MRC2: variants seen among roughly 807,000 people sequenced by gnomAD.
MRC2 encodes the protein C-type mannose receptor 2.
A neutral mutation model predicts 206.2 loss-of-function variants in MRC2; 84 were observed. The observed-to-expected ratio is 0.41, with a 90% CI of 0.34 to 0.49. The LOEUF (loss-of-function observed/expected upper bound fraction) is 0.49. MRC2 is among the 20% of genes least tolerant of loss of function. The pLI, the probability that MRC2 is intolerant of heterozygous loss-of-function variation, is 0.31. For missense variants in MRC2, 1,676 were observed against 2,001.5 expected, an observed-to-expected ratio of 0.84 and a Z score of 3.10; for synonymous variants, 798 against 800.0, an observed-to-expected ratio of 1.00 and a Z score of 0.04.
intron 1 of MRC2, among the ~76,000 whole-genome samples, chr17:62,647,270 G>A (rs1243341153): frequency 7.0e-6 from 1 of 143,084 alleles, no homozygotes; most frequent in African/African-American, 2.6e-5. Flanking sequence ...TGCAACCTCC[G>A]CCTCCTGGGT....
intron 1 of MRC2, among the ~76,000 whole-genome samples, chr17:62,639,169 C>G (rs889079495): frequency 6.6e-6 from 1 of 152,062 alleles, no homozygotes; most frequent in Non-Finnish European, 1.5e-5. Context: ...AACCCCATCT[C>G]TACCAAAAAT....
chr17:62,651,086 C>CTTT (rs764258977), intron 1 of MRC2, among the ~76,000 whole-genome samples: 11 of 142,408 alleles, frequency 7.7e-5, no homozygotes, highest in African/African-American at 2.8e-4. Flanking sequence ...TGACAAACAT[C>CTTT]TTTTTTTTTT....
At chr17:62,647,662 T>C (rs1301988010) in intron 1 of MRC2, among the ~76,000 whole-genome samples, 1 of 152,240 alleles carries the variant, frequency 6.6e-6, no homozygotes, top group African/African-American at 2.4e-5. Context: ...TAAATAATGC[T>C]GTGTGGCTAA....
In MRC2 at chr17:62,627,818, C is replaced by T; in HGVS notation, c.16C>T (p.Pro6Ser). ...GCGCTCGGGGATGGGGCCCGGCCGGCCGGCCCCCGCGCCCTGGCCTCGTCA... is the reference window on the plus strand; with the variant it reads ...GCGCTCGGGGATGGGGCCCGGCCGGTCGGCCCCCGCGCCCTGGCCTCGTCA... MGPGR[P>S]APAPWPRHLL... is the part of the protein sequence containing the mutation. Residue 6 changes from proline to serine, a missense_variant, in exon 1 of 30, where the codon CCG becomes TCG. Around this residue, in one of 3 missense-constraint regions of MRC2, gnomAD observed 318 missense variants for 346.7 expected, o/e 0.92. Coordinates refer to ENST00000303375, the MANE Select transcript of MRC2 (RefSeq NM_006039.5). The T allele has an allele frequency of 1.4e-6, 2 of 1,447,578 alleles. No homozygotes were observed. Among genetic ancestry groups the T allele is most frequent in the Non-Finnish European group, 9.0e-7 (1 of 1,108,528 alleles). 89.7% of individuals were successfully genotyped at this position (1,447,578 alleles called of 1,614,324 possible). A position where few individuals can be genotyped will look rare whatever the true frequency, so the allele number is the denominator to read the frequency against.
At chr17:62,676,224 G>A (rs2088889824) in intron 10 of MRC2, among the ~76,000 whole-genome samples, 159 bp from the exon 11 acceptor site, 1 of 152,140 alleles carries the variant, frequency 6.6e-6, no homozygotes, top group Admixed American at 6.5e-5. Context: ...GCAGCTGGGG[G>A]TTCCATAAAT....
intron 12 of MRC2, 77 bp downstream of exon 12, chr17:62,677,563 G>A: frequency 7.6e-7 from 1 of 1,311,152 alleles, no homozygotes; most frequent in South Asian, 1.5e-5. Context: ...AGGTCCCAGT[G>A]GGACCAGCCA....
chr17:62,666,609 C>T lies in MRC2; in HGVS notation c.849C>T (p.Thr283=). 1 of 1,586,586 alleles carries T rather than the reference C, an allele frequency of 6.3e-7. No homozygotes were observed. Among genetic ancestry groups the T allele is most frequent in the Non-Finnish European group, 8.6e-7 (1 of 1,166,506 alleles). ...LLSITEIHEQ[T]YINGLLTGYS... is the part of the protein sequence containing the mutation. Reference sequence around the variant, plus strand: ...GCATCACGGAGATCCACGAGCAGACCTACATCAACGGTGAGCCGGGGCCTG... The same window carrying T: ...GCATCACGGAGATCCACGAGCAGACTTACATCAACGGTGAGCCGGGGCCTG... Residue 283 remains threonine, a synonymous_variant, in exon 4 of 30, where the codon ACC becomes ACT. Coordinates refer to ENST00000303375, the MANE Select transcript of MRC2 (RefSeq NM_006039.5). This position sits in a 1 kb window ranked among gnomAD's most constrained non-coding sequence, Gnocchi z 5.0.
chr17:62,689,970 C>CG lies in MRC2; in HGVS notation c.3656dup (p.Cys1220LeufsTer16). The CG allele has an allele frequency of 5.6e-6, 9 of 1,612,490 alleles. No homozygotes were observed. Among genetic ancestry groups the CG allele is most frequent in the Non-Finnish European group, 6.8e-6 (8 of 1,179,878 alleles). Reference sequence around the variant, plus strand: ...TGGCAGGACGGGGAGCCGCAGCAGCCGGGGGGCTGTACCTACGTAGATGTG... The same window carrying CG: ...TGGCAGGACGGGGAGCCGCAGCAGCCGGGGGGGCTGTACCTACGTAGATGTG... On this transcript the variant is annotated frameshift_variant, in exon 25 of 30. Coordinates refer to ENST00000303375, the MANE Select transcript of MRC2 (RefSeq NM_006039.5). LOFTEE classifies it high-confidence loss of function.
intron 1 of MRC2, among the ~76,000 whole-genome samples, chr17:62,660,847 T>G (rs1314264781): frequency 1.3e-5 from 2 of 152,080 alleles, no homozygotes; most frequent in Admixed American, 1.3e-4. Flanking sequence ...AATTTGCAGA[T>G]AGTAGGCAGC....
chr17:62,683,239 C>T (rs917408785), intron 20 of MRC2, among the ~76,000 whole-genome samples: 5 of 151,992 alleles, frequency 3.3e-5, no homozygotes, highest in Non-Finnish European at 5.9e-5. Flanking sequence ...GAGGCTGAGG[C>T]GGGTGAATCA....
intron 1 of MRC2, among the ~76,000 whole-genome samples, chr17:62,641,399 C>A (rs1361191284): frequency 6.6e-6 from 1 of 151,748 alleles, no homozygotes; most frequent in Non-Finnish European, 1.5e-5. Context: ...GAAACAGGAA[C>A]CTGTCTGACA....
chr17:62,662,893 G>A (rs1030874497), intron 1 of MRC2, among the ~76,000 whole-genome samples: 5 of 152,018 alleles, frequency 3.3e-5, no homozygotes, highest in Non-Finnish European at 2.9e-5. Flanking sequence ...TGGGCAACAC[G>A]AGCAATAGTC....
rs141987814 is a variant in MRC2 at position 62,643,955 on chromosome 17, G to GTA, written c.118+16043_118+16044dup. Among the ~76,000 whole-genome samples the GTA allele has an allele frequency of 3.4e-3, 513 of 152,166 alleles. 3 individuals are homozygous for GTA. The highest frequency in any genetic ancestry group is 0.012 in the African/African-American group (488 of 41,484). On this transcript the variant is annotated intron_variant, in intron 1 of 29. Transcript: ENST00000303375. ...TGTGGATATGTGCATGTATATTTAT[G>GTA]TATATATATGTGTATTACATGTGTG... is the stretch of plus-strand genomic sequence containing the variant.
Position 62,631,922 on chromosome 17 carries a change from T to C in MRC2, c.118+4002T>C, listed in dbSNP as rs535721810. Among the ~76,000 whole-genome samples, 11 of 152,254 alleles carry C rather than the reference T, an allele frequency of 7.2e-5. No individual in the cohort carries two copies. The South Asian group carries it at 2.1e-3, about 29-fold the overall frequency. On this transcript the variant is annotated intron_variant, in intron 1 of 29. Transcript: ENST00000303375. ...GTAGAGATGGCCATGGCCTATTCTT[T>C]ATTTGAGACCTCCCCACCGTGTCTC... is the stretch of plus-strand genomic sequence containing the variant.
intron 1 of MRC2, among the ~76,000 whole-genome samples, chr17:62,646,329 T>G (rs550204428): frequency 6.6e-5 from 10 of 152,084 alleles, no homozygotes; most frequent in Admixed American, 2.0e-4. Context: ...CGGCCCCCTC[T>G]CTCTCTTTTT....
At position 62,680,005 on chromosome 17, in the gene MRC2, G is replaced by GC; in HGVS notation, c.2298+108dup. 2 of 1,457,308 alleles carry GC rather than the reference G, an allele frequency of 1.4e-6. No homozygotes were observed. The highest frequency in any genetic ancestry group is 1.9e-6 in the Non-Finnish European group (2 of 1,079,634). 90.3% of individuals were successfully genotyped at this position (1,457,308 alleles called of 1,614,324 possible). A position where few individuals can be genotyped will look rare whatever the true frequency, so the allele number is the denominator to read the frequency against. ...GTGGGCGGGTTTTCTTGAGGGCCGG[G>GC]CCCCCAGTCGGAGCCGGCTTCAGGA... is the stretch of plus-strand genomic sequence containing the variant. On this transcript the variant is annotated intron_variant, in intron 14 of 29. Transcript: ENST00000303375. This position sits in a 1 kb window ranked among gnomAD's most constrained non-coding sequence, Gnocchi z 4.8.
At position 62,693,420 on chromosome 17, in the gene MRC2, G is replaced by T; in HGVS notation, c.*969G>T. Reference sequence around the variant, plus strand: ...ACCCTTCCAAGAGGCCACAGTCCCAGCCAGGACAAAGTATGCGGCCCATCC... The same window carrying T: ...ACCCTTCCAAGAGGCCACAGTCCCATCCAGGACAAAGTATGCGGCCCATCC... On this transcript the variant is annotated 3_prime_UTR_variant, in exon 30 of 30. Coordinates refer to ENST00000303375, the MANE Select transcript of MRC2 (RefSeq NM_006039.5). The T allele has an allele frequency of 6.5e-6, 1 of 152,714 alleles. No individual in the cohort carries two copies. 9.5% of individuals were successfully genotyped at this position (152,714 alleles called of 1,614,324 possible).
At chr17:62,650,430 T>C (rs62076123) in intron 1 of MRC2, among the ~76,000 whole-genome samples, 2,194 of 152,312 alleles carry the variant, frequency 0.014, 28 homozygotes, top group Non-Finnish European at 0.023. Flanking sequence ...CGACTGGAAA[T>C]CTACATTTTT....
intron 1 of MRC2, among the ~76,000 whole-genome samples, chr17:62,629,959 A>C (rs562514092): frequency 6.6e-6 from 1 of 152,210 alleles, no homozygotes; most frequent in African/African-American, 2.4e-5. Flanking sequence ...GCGAGGCGGC[A>C]GTGCCTTCTT....
Sources: allele counts gnomAD v4.1 joint callset (sites outside exome capture counted in the v4.1 genomes callset), GRCh38; gene constraint gnomAD v4.1.1; regional missense constraint gnomAD v4.1.1; non-coding constraint Gnocchi (gnomAD v3.1); transcripts MANE v1.5; gene names NCBI Gene and HGNC (gene_info 2026-07-23, HGNC 2026-07-21).